KANSL1: variants seen among roughly 807,000 people sequenced by gnomAD.
KANSL1 encodes MLL1/MLL complex subunit KANSL1.
Under a neutral mutation model 103.6 loss-of-function variants are expected in KANSL1, and 22 were observed. The observed-to-expected ratio is 0.21, with a 90% confidence interval of 0.15 to 0.30. The LOEUF is 0.30. KANSL1 is among the 10% of genes least tolerant of loss of function. The probability of loss-of-function intolerance (pLI) is 1.00; values close to 1 mark genes in which losing one functional copy is unlikely to be tolerated. For synonymous variants in KANSL1, 600 were observed against 527.6 expected (o/e 1.14, Z -1.88); for missense variants, 1,337 against 1,399.8 (o/e 0.96, Z 0.72).
intron 1 of KANSL1, among the ~76,000 whole-genome samples, chr17:46,215,603 T>C (rs1259070131): frequency 6.6e-6 from 1 of 152,166 alleles, no homozygotes; most frequent in Non-Finnish European, 1.5e-5. Flanking sequence ...ATCTCAAGAA[T>C]GTGGTGACTA....
At chr17:46,053,283 C>T (rs2077790987) in intron 6 of KANSL1, among the ~76,000 whole-genome samples, 1 of 150,846 alleles carries the variant, frequency 6.6e-6, no homozygotes, top group South Asian at 2.1e-4. Context: ...AACTCCGTCT[C>T]CAAAAAAATT....
intron 2 of KANSL1, among the ~76,000 whole-genome samples, chr17:46,130,877 G>C (rs1230064163): frequency 6.6e-6 from 1 of 152,202 alleles, no homozygotes; most frequent in Non-Finnish European, 1.5e-5. Flanking sequence ...GGGGTACAGA[G>C]GAATGAAATT....
chr17:46,118,510 G>A (rs893166513), intron 2 of KANSL1, among the ~76,000 whole-genome samples: 5 of 152,174 alleles, frequency 3.3e-5, no homozygotes, highest in African/African-American at 1.2e-4. Context: ...CTTGCTAAAC[G>A]CTGATTGGTG....
At chr17:46,198,422 TAAAAAAAAAAAAAAA>T (rs58312564), upstream of KANSL1, among the ~76,000 whole-genome samples, 3 of 96,118 alleles carry the variant, frequency 3.1e-5, no homozygotes, top group Admixed American at 1.1e-4. Flanking sequence ...CTACTTTAAT[TAAAAAAAAAAAAAAA>T]AAAAAAAAAA....
intron 2 of KANSL1, among the ~76,000 whole-genome samples, chr17:46,149,944 C>T (rs2044991897): frequency 1.3e-5 from 2 of 151,738 alleles, no homozygotes; most frequent in Non-Finnish European, 2.9e-5. Flanking sequence ...ATGGTGTGAA[C>T]CCAGGAGGTG....
chr17:46,108,098 T>A (rs994318833), intron 2 of KANSL1, among the ~76,000 whole-genome samples: 4 of 152,198 alleles, frequency 2.6e-5, no homozygotes, highest in Non-Finnish European at 4.4e-5. Context: ...TAATATTGTA[T>A]AAAAGGATAA....
intron 2 of KANSL1, among the ~76,000 whole-genome samples, chr17:46,132,409 G>A (rs992770170): frequency 6.6e-6 from 1 of 152,186 alleles, no homozygotes; most frequent in Non-Finnish European, 1.5e-5. Flanking sequence ...TAAAATCCTA[G>A]TGTTGGCAGG....
At chr17:46,150,426 C>G (rs1303858688) in intron 2 of KANSL1, among the ~76,000 whole-genome samples, 1 of 152,170 alleles carries the variant, frequency 6.6e-6, no homozygotes, top group Non-Finnish European at 1.5e-5. Context: ...TGCTTTGTAT[C>G]TTTTACCACA....
At chr17:46,135,851 T>C (rs1000987170) in intron 2 of KANSL1, among the ~76,000 whole-genome samples, 2 of 152,026 alleles carry the variant, frequency 1.3e-5, no homozygotes, top group East Asian at 1.9e-4. Context: ...TCTTAAAATG[T>C]CTCAGTGACC....
At chr17:46,042,851 C>T (rs979892833) in intron 7 of KANSL1, 1 of 151,350 alleles carries the variant, frequency 6.6e-6, no homozygotes, top group Non-Finnish European at 1.5e-5. Context: ...TAAGCACCCT[C>T]AGCTCCATGA....
At chr17:46,166,853 C>A (rs1331232010) in intron 2 of KANSL1, among the ~76,000 whole-genome samples, 2 of 152,166 alleles carry the variant, frequency 1.3e-5, no homozygotes, top group African/African-American at 2.4e-5. Flanking sequence ...TACAATTATT[C>A]TTGGCTGCAC....
chr17:46,202,209 T>A (rs923209706), intron 1 of KANSL1, among the ~76,000 whole-genome samples: 2 of 152,150 alleles, frequency 1.3e-5, no homozygotes, highest in Admixed American at 6.6e-5. Flanking sequence ...AGAAATTATC[T>A]TCAGGCTATG....
At chr17:46,076,764 G>C (rs536086190) in intron 4 of KANSL1, among the ~76,000 whole-genome samples, 69 of 152,176 alleles carry the variant, frequency 4.5e-4, no homozygotes, top group South Asian at 2.3e-3. Context: ...TCTTTTGTTA[G>C]ATTTATTCCT....
At chr17:46,126,906 T>C (rs2043587871) in intron 2 of KANSL1, among the ~76,000 whole-genome samples, 1 of 151,770 alleles carries the variant, frequency 6.6e-6, no homozygotes, top group African/African-American at 2.4e-5. Flanking sequence ...TCTTCAAAAA[T>C]TGGTCATGAT....
intron 2 of KANSL1, among the ~76,000 whole-genome samples, chr17:46,118,634 C>G (rs1402349626): frequency 6.6e-6 from 1 of 152,178 alleles, no homozygotes; most frequent in Non-Finnish European, 1.5e-5. Context: ...GGTCTAGAGA[C>G]CACATTTTGA....
At chr17:46,147,938 A>C (rs1232655936) in intron 2 of KANSL1, among the ~76,000 whole-genome samples, 1 of 152,246 alleles carries the variant, frequency 6.6e-6, no homozygotes, top group Non-Finnish European at 1.5e-5. Context: ...TTTAGGGTAG[A>C]AATAACCTTG....
At chr17:46,200,312 ATAAAGG>A (rs2047755775) in intron 1 of KANSL1, among the ~76,000 whole-genome samples, 1 of 152,358 alleles carries the variant, frequency 6.6e-6, no homozygotes, top group South Asian at 2.1e-4. Flanking sequence ...CAAAGGAAAC[ATAAAGG>A]TAAATATGCA....
intron 6 of KANSL1, among the ~76,000 whole-genome samples, chr17:46,055,705 G>T (rs1598495150): frequency 6.6e-6 from 1 of 151,982 alleles, no homozygotes; most frequent in East Asian, 1.9e-4. Flanking sequence ...TTTCTGATAA[G>T]CAAAAATACA....
chr17:46,081,522 A>C (rs2078988043), intron 4 of KANSL1, among the ~76,000 whole-genome samples: 1 of 152,262 alleles, frequency 6.6e-6, no homozygotes, highest in African/African-American at 2.4e-5. Flanking sequence ...CTTCACATTT[A>C]TCTCTAGCAA....
Sources: allele counts gnomAD v4.1 joint callset (sites outside exome capture counted in the v4.1 genomes callset), GRCh38; gene constraint gnomAD v4.1.1; transcripts MANE v1.5; gene names NCBI Gene and HGNC (gene_info 2026-07-23, HGNC 2026-07-21).